Variants in RPS6KA5 observed in about 807,000 individuals in gnomAD.
RPS6KA5 encodes ribosomal protein S6 kinase A5, also known as ribosomal protein S6 kinase alpha-5.
RPS6KA5 carries 27 observed loss-of-function variants against 85.5 expected under a neutral mutation model. The ratio of observed to expected loss-of-function variants is 0.32; its 90% CI spans 0.23 to 0.44. RPS6KA5 has a LOEUF of 0.44. RPS6KA5 is among the 20% of genes least tolerant of loss of function. The probability of loss-of-function intolerance (pLI) is 1.00; values close to 1 mark genes in which losing one functional copy is unlikely to be tolerated. For synonymous variants in RPS6KA5, 334 were observed against 348.2 expected (o/e 0.96, Z 0.46); for missense variants, 811 against 980.9 (o/e 0.83, Z 2.31).
intron 7 of RPS6KA5, among the ~76,000 whole-genome samples, chr14:90,910,555 G>A (rs576181052): frequency 5.9e-5 from 9 of 151,426 alleles, no homozygotes; most frequent in South Asian, 2.1e-4. Context: ...ATGAAGCTTT[G>A]TACATGTGTT....
chr14:90,868,124 A>G lies in RPS6KA5; in HGVS notation c.*3950T>C, dbSNP rs1418698554. ...CTAAAGAATGTCACAATTTGGAGTG[A>G]AGTTACTTAACAAAACAGGGAATAA... is the stretch of plus-strand genomic sequence containing the variant. On this transcript the variant is annotated 3_prime_UTR_variant, in exon 17 of 17. Coordinates refer to ENST00000614987, the MANE Select transcript of RPS6KA5 (RefSeq NM_004755.4). The G allele has an allele frequency of 6.6e-6, 1 of 152,246 alleles. No homozygotes were observed. The highest frequency in any genetic ancestry group is 2.4e-5 in the African/African-American group (1 of 41,470). The allele number at this position is 152,246 out of a possible 1,614,324, so 9.4% of individuals were successfully genotyped here.
Position 90,900,043 on chromosome 14 carries a change from A to G in RPS6KA5, c.1379+65T>C, listed in dbSNP as rs1011887730. On this transcript the variant is annotated intron_variant, in intron 11 of 16. Transcript: ENST00000614987. Reference sequence around the variant, plus strand: ...ATAATACTGGTTTCAATTAAAATAAATATCTTTTAATTTACAGAATTCATG... The same window carrying G: ...ATAATACTGGTTTCAATTAAAATAAGTATCTTTTAATTTACAGAATTCATG... The G allele has an allele frequency of 3.8e-6, 5 of 1,330,164 alleles. No homozygotes were observed. In the African/African-American group the frequency reaches 6.0e-5, roughly 16 times the overall value. 82.4% of individuals were successfully genotyped at this position (1,330,164 alleles called of 1,614,324 possible). A position where few individuals can be genotyped will look rare whatever the true frequency, so the allele number is the denominator to read the frequency against.
Position 90,905,769 on chromosome 14 carries a change from T to A in RPS6KA5, c.957+380A>T, listed in dbSNP as rs556481095. Among the ~76,000 whole-genome samples, 6 of 152,292 alleles carry A rather than the reference T, an allele frequency of 3.9e-5. No individual in the cohort carries two copies. In the South Asian group the frequency reaches 1.2e-3, roughly 32 times the overall value. The stretch of plus-strand genomic sequence containing the variant: ...AAAAGGTGAAACATAGTGGCAGTAA[T>A]AGCTCATGAACTGAGACAGAAGTGA... On this transcript the variant is annotated intron_variant, in intron 8 of 16. Coordinates refer to ENST00000614987, the MANE Select transcript of RPS6KA5 (RefSeq NM_004755.4).
intron 1 of RPS6KA5, among the ~76,000 whole-genome samples, chr14:91,019,662 G>GCAAA (rs1408858181): frequency 1.3e-5 from 2 of 152,006 alleles, no homozygotes; most frequent in Non-Finnish European, 2.9e-5. Context: ...TCATAACACT[G>GCAAA]CAAAAGTAAT....
intron 3 of RPS6KA5, among the ~76,000 whole-genome samples, chr14:90,949,012 T>C (rs2038031040): frequency 1.3e-5 from 2 of 152,200 alleles, no homozygotes. Flanking sequence ...GCAATGCATT[T>C]TACAAACCAC....
In RPS6KA5 at chr14:90,865,055, T is replaced by G. The variant is rs1283386905; in HGVS notation, c.*7019A>C. On this transcript the variant is annotated 3_prime_UTR_variant, in exon 17 of 17. Transcript: ENST00000614987. ...CTTATGACTCAGTAGTTTCACTCCT[T>G]TTTTTTGTCTGTTTTTTTGAGACAG... is the stretch of plus-strand genomic sequence containing the variant. 1.3e-5 allele frequency: 2 copies of G among 152,200 alleles called. No individual in the cohort carries two copies. Among genetic ancestry groups the G allele is most frequent in the East Asian group, 1.9e-4 (1 of 5,198 alleles). 9.4% of individuals were successfully genotyped at this position (152,200 alleles called of 1,614,324 possible).
intron 1 of RPS6KA5, among the ~76,000 whole-genome samples, chr14:91,044,202 G>C (rs528400006): frequency 6.6e-6 from 1 of 151,138 alleles, no homozygotes; most frequent in South Asian, 2.1e-4. Context: ...ACTCTGGCCT[G>C]GGCAACAAGA....
At chr14:91,013,258 G>A (rs1279272730) in intron 1 of RPS6KA5, among the ~76,000 whole-genome samples, 1 of 152,072 alleles carries the variant, frequency 6.6e-6, no homozygotes, top group Non-Finnish European at 1.5e-5. Context: ...ATCCAACATT[G>A]TGCAAAGCAC....
At position 90,866,965 on chromosome 14, in the gene RPS6KA5, A is replaced by G. The variant is rs2032827321; in HGVS notation, c.*5109T>C. 3 of 152,240 alleles carry G rather than the reference A, an allele frequency of 2.0e-5. No homozygotes were observed. The highest frequency in any genetic ancestry group is 2.0e-4 in the Admixed American group (3 of 15,288). The allele number at this position is 152,240 out of a possible 1,614,324, so 9.4% of individuals were successfully genotyped here. ...TAAAATAAACTATTAGGAATAACTGAATGCCTACCACAGCAACAGAGCTTT... is the reference window on the plus strand; with the variant it reads ...TAAAATAAACTATTAGGAATAACTGGATGCCTACCACAGCAACAGAGCTTT... On this transcript the variant is annotated 3_prime_UTR_variant, in exon 17 of 17. Transcript: ENST00000614987.
At chr14:91,044,260 A>G (rs367946448) in intron 1 of RPS6KA5, among the ~76,000 whole-genome samples, 2 of 59,738 alleles carry the variant, frequency 3.3e-5, no homozygotes, top group African/African-American at 6.6e-5. Flanking sequence ...GGAGAGAGAG[A>G]GGGAGAGAGA....
intron 7 of RPS6KA5, among the ~76,000 whole-genome samples, chr14:90,919,493 T>C (rs1172340790): frequency 6.6e-6 from 1 of 152,160 alleles, no homozygotes; most frequent in Admixed American, 6.5e-5. Flanking sequence ...AAAATTCAAG[T>C]AAAAACAGGA....
rs1383142805 is a variant in RPS6KA5 at position 90,855,300 on chromosome 14, GAATA to G, written c.*16770_*16773del. The stretch of plus-strand genomic sequence containing the variant: ...AGACAACTGCTATAAATGACTTTCT[GAATA>G]AATATTTCAGCTAACTGCACAAATG... On this transcript the variant is annotated 3_prime_UTR_variant, in exon 17 of 17. Transcript: ENST00000614987. 2 of 152,146 alleles carry G rather than the reference GAATA, an allele frequency of 1.3e-5. No homozygotes were observed. Among genetic ancestry groups the G allele is most frequent in the Non-Finnish European group, 2.9e-5 (2 of 68,024 alleles). The allele number at this position is 152,146 out of a possible 1,614,324, so 9.4% of individuals were successfully genotyped here. A position where few individuals can be genotyped will look rare whatever the true frequency, so the allele number is the denominator to read the frequency against.
In RPS6KA5 at chr14:91,060,581, G is replaced by C. The variant is rs1464045360; in HGVS notation, c.-147C>G. ...GGACGCAAAGACGAGTCTCTTTCCC[G>C]CTCTGGCCGCACGGCTCGCTCCTCG... On this transcript the variant is annotated 5_prime_UTR_variant, in exon 1 of 17. Transcript: ENST00000614987. 2 of 1,079,526 alleles carry C rather than the reference G, an allele frequency of 1.9e-6. No homozygotes were observed. The highest frequency in any genetic ancestry group is 1.2e-6 in the Non-Finnish European group (1 of 846,858). The allele number at this position is 1,079,526 out of a possible 1,614,324, so 66.9% of individuals were successfully genotyped here. A position where few individuals can be genotyped will look rare whatever the true frequency, so the allele number is the denominator to read the frequency against.
intron 8 of RPS6KA5, among the ~76,000 whole-genome samples, chr14:90,905,650 T>G (rs1025326492): frequency 1.3e-5 from 2 of 152,190 alleles, no homozygotes; most frequent in Admixed American, 6.5e-5. Flanking sequence ...TGAGTAACAC[T>G]CTATGTGTCA....
intron 3 of RPS6KA5, among the ~76,000 whole-genome samples, chr14:90,964,623 G>C (rs2038965906): frequency 6.6e-6 from 1 of 151,996 alleles, no homozygotes; most frequent in Non-Finnish European, 1.5e-5. Flanking sequence ...CCTAAAATTT[G>C]ATTGCTGAGG....
At chr14:90,920,948 T>G (rs1392951084) in intron 6 of RPS6KA5, among the ~76,000 whole-genome samples, 2 of 152,120 alleles carry the variant, frequency 1.3e-5, no homozygotes, top group African/African-American at 2.4e-5. Context: ...CCCAGGCTGG[T>G]CTTGAACTCT....
In RPS6KA5 at chr14:90,910,004, G is replaced by C. The variant is rs777172487; in HGVS notation, c.807-3705C>G. 3.7e-4 allele frequency among the ~76,000 whole-genome samples: 56 copies of C among 152,142 alleles called. 1 individual carries two copies. Among genetic ancestry groups the C allele is most frequent in the Non-Finnish European group, 6.2e-4 (42 of 68,012 alleles). ...TTGGCCAGACTGGTCTCGAACTCCT[G>C]ACCTCAGGTGATCTGCCTGCCTCGG... On this transcript the variant is annotated intron_variant, in intron 7 of 16. Transcript: ENST00000614987.
Position 91,059,757 on chromosome 14 carries a change from G to A in RPS6KA5, c.103+575C>T, listed in dbSNP as rs375534390. Among the ~76,000 whole-genome samples, 15 of 152,334 alleles carry A rather than the reference G, an allele frequency of 9.8e-5. 1 individual carries two copies. The highest frequency in any genetic ancestry group is 3.4e-4 in the African/African-American group (14 of 41,572). On this transcript the variant is annotated intron_variant, in intron 1 of 16. Coordinates refer to ENST00000614987, the MANE Select transcript of RPS6KA5 (RefSeq NM_004755.4). ...GTATTTCATGATAAGTGAGAATAAA[G>A]GCACTCAATCCCTGGAGCCGGCGAT...
chr14:91,056,994 C>T (rs573622374), intron 1 of RPS6KA5, among the ~76,000 whole-genome samples: 8 of 148,790 alleles, frequency 5.4e-5, no homozygotes, highest in Non-Finnish European at 1.2e-4. Flanking sequence ...AACCTCCTGC[C>T]TCAGCCTCCC....
Sources: gnomAD v4.1 joint callset for allele counts (sites outside exome capture counted in the v4.1 genomes callset) on GRCh38, gnomAD v4.1.1 for gene constraint, MANE v1.5 for transcripts, NCBI Gene and HGNC (gene_info 2026-07-23, HGNC 2026-07-21) for gene names.